The following CGRRF1 variants were observed in gnomAD, a reference collection of about 807,000 sequenced individuals.
CGRRF1 encodes cell growth regulator with ring finger domain 1.
CGRRF1 carries 32 observed loss-of-function variants against 37.2 expected under a neutral mutation model. The observed-to-expected ratio is 0.86, with a 90% CI of 0.65 to 1.16. The LOEUF is 1.16. Among genes scored for constraint, CGRRF1 ranks in the 50% most tolerant of loss-of-function variants. The pLI is 0.00. For missense variants in CGRRF1, 391 were observed against 382.6 expected (o/e 1.02, Z -0.18); for synonymous variants, 141 against 140.3 (o/e 1.00, Z -0.04).
intron 4 of CGRRF1, among the ~76,000 whole-genome samples, chr14:54,534,095 C>A (rs2140066769): frequency 6.6e-6 from 1 of 152,140 alleles, no homozygotes; most frequent in Middle Eastern, 3.4e-3. Flanking sequence ...GCTTCAGAGA[C>A]TTTTAATATT....
At chr14:54,536,884 T>C (rs1395646197) in intron 4 of CGRRF1, 1 of 152,202 alleles carries the variant, frequency 6.6e-6, no homozygotes, top group East Asian at 1.9e-4. Flanking sequence ...GGTTTTGAGT[T>C]GTAGTTAATG....
intron 5 of CGRRF1, 117 bp downstream of exon 5, chr14:54,537,946 T>A: frequency 6.7e-7 from 1 of 1,487,150 alleles, no homozygotes; most frequent in Non-Finnish European, 8.9e-7. Context: ...GATAACTAAC[T>A]GTTCTTTGCA....
rs181249929 is a variant in CGRRF1 at position 54,509,922 on chromosome 14, C to A, written c.-38C>A. Reference sequence around the variant, plus strand: ...GGCTCAGCCGGGCTGGGCTGGGCTCCGCGGCTGGAGCCGGGCTCTACCCAG... The same window carrying A: ...GGCTCAGCCGGGCTGGGCTGGGCTCAGCGGCTGGAGCCGGGCTCTACCCAG... On this transcript the variant is annotated 5_prime_UTR_variant, in exon 1 of 6. Transcript: ENST00000216420. 3.3e-6 allele frequency: 5 copies of A among 1,509,992 alleles called. No individual in the cohort carries two copies. Among genetic ancestry groups the A allele is most frequent in the Non-Finnish European group, 4.6e-6 (5 of 1,086,168 alleles). The allele number at this position is 1,509,992 out of a possible 1,614,324, so 93.5% of individuals were successfully genotyped here.
rs1211993855 is a variant in CGRRF1, at chr14:54,537,747, T to C, written c.596T>C (p.Ile199Thr). The C allele has an allele frequency of 6.3e-6, 10 of 1,584,508 alleles. No homozygotes were observed. In the South Asian group the frequency reaches 1.1e-4, roughly 17 times the overall value. The change falls in exon 5 of 6, where the codon ATT becomes ACT. Residue 199 changes from isoleucine (I) to threonine (T), a missense_variant. Coordinates refer to ENST00000216420, the MANE Select transcript of CGRRF1 (RefSeq NM_006568.3). ...DIISMVSVIH[I>T]PDRTYKLSCR... ...ATTTCCATGGTGTCAGTGATTCATATTCCTGATAGGACTTATAAACTATCC... is the reference window on the plus strand; with the variant it reads ...ATTTCCATGGTGTCAGTGATTCATACTCCTGATAGGACTTATAAACTATCC...
chr14:54,518,573 A>T (rs1157403352), intron 1 of CGRRF1, among the ~76,000 whole-genome samples: 2 of 151,672 alleles, frequency 1.3e-5, no homozygotes, highest in East Asian at 3.9e-4. Context: ...GAAAAAAAAA[A>T]GTGTTTCTTT....
intron 4 of CGRRF1, among the ~76,000 whole-genome samples, chr14:54,534,094 A>G (rs375302311): frequency 3.9e-4 from 59 of 152,238 alleles, no homozygotes; most frequent in African/African-American, 1.3e-3. Context: ...AGCTTCAGAG[A>G]CTTTTAATAT....
chr14:54,510,919 C>T (rs896978459), intron 1 of CGRRF1, among the ~76,000 whole-genome samples: 1 of 152,186 alleles, frequency 6.6e-6, no homozygotes, highest in African/African-American at 2.4e-5. Context: ...AACAGCAGTT[C>T]TAAGTGGATA....
intron 1 of CGRRF1, among the ~76,000 whole-genome samples, chr14:54,521,947 G>T (rs1382564154): frequency 6.6e-6 from 1 of 152,084 alleles, no homozygotes; most frequent in Admixed American, 6.5e-5. Context: ...ATTAACAATA[G>T]AACTCTTTGT....
intron 2 of CGRRF1, among the ~76,000 whole-genome samples, chr14:54,524,732 T>C (rs2032383758): frequency 6.6e-6 from 1 of 152,128 alleles, no homozygotes. Flanking sequence ...TCTTTAGCTG[T>C]AAATACTATT....
chr14:54,520,540 G>A (rs1464493975), intron 1 of CGRRF1, among the ~76,000 whole-genome samples: 4 of 151,646 alleles, frequency 2.6e-5, no homozygotes, highest in Admixed American at 2.6e-4. Context: ...ATTTTCTTAT[G>A]CTCTTTCCCA....
At chr14:54,532,598 A>G (rs1248940159) in intron 4 of CGRRF1, among the ~76,000 whole-genome samples, 2 of 152,148 alleles carry the variant, frequency 1.3e-5, no homozygotes, top group Non-Finnish European at 2.9e-5. Flanking sequence ...TTAAATATAT[A>G]CAATAAAAAT....
chr14:54,523,533 T>G (rs1481321708), intron 2 of CGRRF1, among the ~76,000 whole-genome samples: 1 of 150,708 alleles, frequency 6.6e-6, no homozygotes, highest in Non-Finnish European at 1.5e-5. Context: ...TTTTCTTTAT[T>G]CCTTCCTCCT....
In CGRRF1 at chr14:54,530,243, T is replaced by C. The variant is rs1335372845; in HGVS notation, c.422+17T>C. 1.3e-6 allele frequency: 2 copies of C among 1,571,804 alleles called. No individual in the cohort carries two copies. Among genetic ancestry groups the C allele is most frequent in the South Asian group, 1.1e-5 (1 of 89,010 alleles). Reference sequence around the variant, plus strand: ...ACAGTATTTGTATCCTTTCGTCTGATATACCCATTAGCACTGAAAATTAGA... The same window carrying C: ...ACAGTATTTGTATCCTTTCGTCTGACATACCCATTAGCACTGAAAATTAGA... On this transcript the variant is annotated intron_variant, in intron 3 of 5. Transcript: ENST00000216420.
chr14:54,515,095 T>TTG (rs1555328651), intron 1 of CGRRF1, among the ~76,000 whole-genome samples: 3 of 148,720 alleles, frequency 2.0e-5, no homozygotes, highest in African/African-American at 7.4e-5. Flanking sequence ...TTTTTGTTTT[T>TTG]TTTTTTTTTT....
At chr14:54,533,430 T>C (rs2032551745) in intron 4 of CGRRF1, among the ~76,000 whole-genome samples, 1 of 152,146 alleles carries the variant, frequency 6.6e-6, no homozygotes, top group Non-Finnish European at 1.5e-5. Flanking sequence ...ATCTGTGGGC[T>C]CCCTCCTTTT....
intron 4 of CGRRF1, among the ~76,000 whole-genome samples, chr14:54,533,298 G>A (rs943969618): frequency 6.6e-6 from 1 of 152,114 alleles, no homozygotes; most frequent in Admixed American, 6.5e-5. Flanking sequence ...TGGCCCAGCT[G>A]TAGTTGTGGG....
chr14:54,527,292 C>T (rs947451850), intron 2 of CGRRF1, among the ~76,000 whole-genome samples: 4 of 151,942 alleles, frequency 2.6e-5, no homozygotes, highest in Non-Finnish European at 5.9e-5. Flanking sequence ...TAGTGGAAAT[C>T]ATTACATTCT....
At chr14:54,530,280 T>A (rs1382881837) in intron 3 of CGRRF1, 54 bp downstream of exon 3, 1 of 1,441,356 alleles carries the variant, frequency 6.9e-7, no homozygotes, top group Non-Finnish European at 9.6e-7. Flanking sequence ...TTCTTATGGA[T>A]AAAGTGTTGC....
intron 5 of CGRRF1, 83 bp downstream of exon 5, chr14:54,537,912 A>AT: frequency 2.6e-6 from 4 of 1,520,158 alleles, no homozygotes; most frequent in Non-Finnish European, 3.5e-6. Flanking sequence ...AGGTGATTAT[A>AT]TTTTTCAGTT....
Sources: gnomAD v4.1 joint callset for allele counts (sites outside exome capture counted in the v4.1 genomes callset) on GRCh38, gnomAD v4.1.1 for gene constraint, MANE v1.5 for transcripts, NCBI Gene and HGNC (gene_info 2026-07-23, HGNC 2026-07-21) for gene names.